Variants in LIN7A observed in about 807,000 individuals in gnomAD.
LIN7A encodes the protein protein lin-7 homolog A.
A neutral mutation model predicts 29.8 loss-of-function variants in LIN7A; 25 were observed. The observed-to-expected ratio is 0.84, with a 90% confidence interval of 0.61 to 1.17. LIN7A has a LOEUF of 1.17. LIN7A is among the 50% of genes most tolerant of loss of function. LIN7A has a pLI of 0.00. For synonymous variants in LIN7A, 118 were observed against 107.5 expected (o/e 1.10, Z -0.60); for missense variants, 239 against 287.0 (o/e 0.83, Z 1.21).
intron 2 of LIN7A, among the ~76,000 whole-genome samples, chr12:80,871,546 A>G (rs1241180018): frequency 6.6e-6 from 1 of 152,040 alleles, no homozygotes; most frequent in Non-Finnish European, 1.5e-5. Context: ...ATGTATATCA[A>G]TCCCAAACGT....
At chr12:80,842,070 T>C in intron 4 of LIN7A, 3 of 1,286,668 alleles carry the variant, frequency 2.3e-6, no homozygotes, top group East Asian at 5.6e-5. Flanking sequence ...GAAAAAATTT[T>C]CTCTCCCAAT....
rs118047315 is a variant in LIN7A at position 80,920,412 on chromosome 12, C to A, written c.82+17229G>T. ...AATAATTATGGGTTTATAGATACAA[C>A]AATAGCACCAAAGATGGAAGGGAGC... is the stretch of plus-strand genomic sequence containing the variant. On this transcript the variant is annotated intron_variant, in intron 1 of 5. Transcript: ENST00000552864. 7.2e-3 allele frequency among the ~76,000 whole-genome samples: 1,099 copies of A among 152,138 alleles called. 4 individuals are homozygous for A. The highest frequency in any genetic ancestry group is 0.011 in the Admixed American group (171 of 15,290).
At chr12:80,902,704 T>C (rs1357214141) in intron 1 of LIN7A, among the ~76,000 whole-genome samples, 1 of 152,134 alleles carries the variant, frequency 6.6e-6, no homozygotes, top group Non-Finnish European at 1.5e-5. Flanking sequence ...TTTTTGTACA[T>C]TGACTTTGTA....
chr12:80,878,003 T>TA (rs1454714818), intron 2 of LIN7A, among the ~76,000 whole-genome samples: 3 of 152,328 alleles, frequency 2.0e-5, no homozygotes, highest in Admixed American at 2.0e-4. Context: ...AGGACTCTAT[T>TA]ATTTTGAACT....
intron 4 of LIN7A, among the ~76,000 whole-genome samples, chr12:80,822,187 G>A (rs1871839544): frequency 6.6e-6 from 1 of 152,190 alleles, no homozygotes; most frequent in Non-Finnish European, 1.5e-5. Flanking sequence ...AGCAGGCAAA[G>A]AGAATGAGAG....
At chr12:80,819,850 T>G (rs1871710752) in intron 4 of LIN7A, among the ~76,000 whole-genome samples, 1 of 152,220 alleles carries the variant, frequency 6.6e-6, no homozygotes, top group Admixed American at 6.5e-5. Flanking sequence ...ATTTTCTTGT[T>G]AATGGCGTTG....
intron 1 of LIN7A, among the ~76,000 whole-genome samples, chr12:80,927,138 T>C (rs1371071489): frequency 6.7e-6 from 1 of 149,134 alleles, no homozygotes; most frequent in East Asian, 2.0e-4. Flanking sequence ...TACAGTAAAC[T>C]ATTTTCTTTT....
chr12:80,854,096 A>G (rs999911485), intron 2 of LIN7A, among the ~76,000 whole-genome samples: 1 of 152,138 alleles, frequency 6.6e-6, no homozygotes. Context: ...TGTAAGATCC[A>G]CTCATCTTCT....
chr12:80,833,437 ATGTCCCTCCAGAACTTCTAAGAG>A (rs1872467246), intron 4 of LIN7A, among the ~76,000 whole-genome samples: 1 of 152,142 alleles, frequency 6.6e-6, no homozygotes, highest in Non-Finnish European at 1.5e-5. Flanking sequence ...GACCTCCACC[ATGTCCCTCCAGAACTTCTAAGAG>A]TGTCCTGGTT....
At chr12:80,855,340 A>G (rs1264923377) in intron 2 of LIN7A, among the ~76,000 whole-genome samples, 1 of 152,142 alleles carries the variant, frequency 6.6e-6, no homozygotes, top group Non-Finnish European at 1.5e-5. Context: ...GTTTTTTAAT[A>G]AGAAAAATTA....
intron 1 of LIN7A, among the ~76,000 whole-genome samples, chr12:80,915,522 G>A (rs1876989052): frequency 6.6e-6 from 1 of 152,144 alleles, no homozygotes; most frequent in Non-Finnish European, 1.5e-5. Context: ...CCATTACTGG[G>A]TATATATCCA....
chr12:80,885,162 G>A (rs954748121), intron 2 of LIN7A, among the ~76,000 whole-genome samples: 7 of 151,988 alleles, frequency 4.6e-5, no homozygotes, highest in Non-Finnish European at 5.9e-5. Context: ...TCTAATTCTT[G>A]ACAATTGAGC....
At chr12:80,827,163 A>G (rs1056146191) in intron 4 of LIN7A, among the ~76,000 whole-genome samples, 4 of 152,138 alleles carry the variant, frequency 2.6e-5, no homozygotes, top group African/African-American at 7.2e-5. Flanking sequence ...CAAGGTGAGC[A>G]GATCACGAGG....
intron 1 of LIN7A, among the ~76,000 whole-genome samples, chr12:80,934,745 C>A (rs1878113422): frequency 6.6e-6 from 1 of 152,170 alleles, no homozygotes; most frequent in Non-Finnish European, 1.5e-5. Flanking sequence ...ATCACATTTT[C>A]ATGCTTTTTC....
intron 1 of LIN7A, among the ~76,000 whole-genome samples, chr12:80,896,680 G>A (rs1420192246): frequency 6.6e-6 from 1 of 152,132 alleles, no homozygotes; most frequent in Non-Finnish European, 1.5e-5. Flanking sequence ...TACTCAGTAT[G>A]CTATTGAAAA....
chr12:80,817,085 A>G (rs922293298), intron 4 of LIN7A, among the ~76,000 whole-genome samples: 7 of 152,188 alleles, frequency 4.6e-5, no homozygotes, highest in Non-Finnish European at 1.0e-4. Context: ...AGTTTTAAAC[A>G]TGGCTGCATT....
In LIN7A at chr12:80,907,178, G is replaced by GCCC. The variant is rs1240178326; in HGVS notation, c.83-17810_83-17809insGGG. Among the ~76,000 whole-genome samples the GCCC allele has an allele frequency of 3.6e-3, 550 of 151,888 alleles. 2 individuals carry two copies. Among genetic ancestry groups the GCCC allele is most frequent in the African/African-American group, 0.012 (512 of 41,446 alleles). On this transcript the variant is annotated intron_variant, in intron 1 of 5. Coordinates refer to ENST00000552864, the MANE Select transcript of LIN7A (RefSeq NM_004664.4). The stretch of plus-strand genomic sequence containing the variant: ...GTGAATGCTTAATACATTTTACTGT[G>GCCC]GGTGATAATTACCATATTTTCACTC...
At chr12:80,897,200 CA>C in intron 1 of LIN7A, among the ~76,000 whole-genome samples, 1 of 151,872 alleles carries the variant, frequency 6.6e-6, no homozygotes, top group Non-Finnish European at 1.5e-5. Context: ...TTTCAGCTTT[CA>C]TTTTTTTCTC....
chr12:80,878,255 T>C (rs1051205587), intron 2 of LIN7A, among the ~76,000 whole-genome samples: 1 of 152,186 alleles, frequency 6.6e-6, no homozygotes, highest in Non-Finnish European at 1.5e-5. Flanking sequence ...CAAGTTGATG[T>C]TACAAACACT....
Sources: gnomAD v4.1 joint callset for allele counts (sites outside exome capture counted in the v4.1 genomes callset) on GRCh38, gnomAD v4.1.1 for gene constraint, MANE v1.5 for transcripts, NCBI Gene and HGNC (gene_info 2026-07-23, HGNC 2026-07-21) for gene names.